The following NTM variants were observed in gnomAD, a reference collection of about 807,000 sequenced individuals.
The protein encoded by NTM is IgLON family member 2.
A neutral mutation model predicts 42.1 loss-of-function variants in NTM; 13 were observed. The ratio of observed to expected loss-of-function variants is 0.31; its 90% confidence interval spans 0.20 to 0.49. NTM has a LOEUF of 0.49. Among genes scored for constraint, NTM ranks in the 20% least tolerant of loss-of-function variants. The probability of loss-of-function intolerance (pLI) is 0.99; values close to 1 mark genes in which losing one functional copy is unlikely to be tolerated. For missense variants in NTM, 373 were observed against 452.8 expected (o/e 0.82, Z 1.60); for synonymous variants, 187 against 179.2 (o/e 1.04, Z -0.35).
chr11:132,239,114 A>G (rs2089686898), intron 4 of NTM, among the ~76,000 whole-genome samples: 1 of 152,238 alleles, frequency 6.6e-6, no homozygotes, highest in African/African-American at 2.4e-5. Flanking sequence ...CACCAGAGAC[A>G]CTGCCGTAAG....
At chr11:132,066,811 C>T (rs1290945493) in intron 2 of NTM, among the ~76,000 whole-genome samples, 3 of 152,106 alleles carry the variant, frequency 2.0e-5, no homozygotes, top group African/African-American at 7.2e-5. Flanking sequence ...CACTCAGATA[C>T]TCCAGAATAA....
At chr11:132,323,505 A>T (rs1280340067) in intron 7 of NTM, among the ~76,000 whole-genome samples, 4 of 151,596 alleles carry the variant, frequency 2.6e-5, no homozygotes, top group Non-Finnish European at 5.9e-5. Context: ...ATAGACCAAT[A>T]ACAGGATCTG....
At chr11:131,399,617 C>A (rs1320245384) in intron 1 of NTM, among the ~76,000 whole-genome samples, 1 of 152,160 alleles carries the variant, frequency 6.6e-6, no homozygotes, top group Non-Finnish European at 1.5e-5. Flanking sequence ...TATACTCTTA[C>A]CCTCAGCACA....
At chr11:132,233,926 C>A (rs180750927) in intron 4 of NTM, among the ~76,000 whole-genome samples, 41 of 152,334 alleles carry the variant, frequency 2.7e-4, no homozygotes, top group Non-Finnish European at 4.6e-4. Flanking sequence ...AAGAGTGGCC[C>A]CTGCCACCCT....
At chr11:132,172,658 A>G (rs2076274367) in intron 3 of NTM, among the ~76,000 whole-genome samples, 1 of 152,148 alleles carries the variant, frequency 6.6e-6, no homozygotes, top group African/African-American at 2.4e-5. Flanking sequence ...AAGATATATA[A>G]TTTTCCATTT....
At chr11:132,040,083 C>T (rs2076993314) in intron 2 of NTM, among the ~76,000 whole-genome samples, 1 of 143,056 alleles carries the variant, frequency 7.0e-6, no homozygotes, top group African/African-American at 2.7e-5. Flanking sequence ...TGCATGCTAC[C>T]ACGTCCAGCT....
intron 1 of NTM, chr11:131,671,404 C>T (rs1299897682): frequency 2.0e-6 from 2 of 983,936 alleles, no homozygotes; most frequent in Admixed American, 1.2e-4. Flanking sequence ...ACATTACCTG[C>T]ATATTCACAG....
At chr11:131,602,430 C>T (rs1332860773) in intron 1 of NTM, among the ~76,000 whole-genome samples, 1 of 152,166 alleles carries the variant, frequency 6.6e-6, no homozygotes, top group Non-Finnish European at 1.5e-5. Flanking sequence ...TCGGTCTCCT[C>T]AATGCTTCCT....
intron 1 of NTM, among the ~76,000 whole-genome samples, chr11:131,614,420 T>C (rs1376397583): frequency 1.3e-5 from 2 of 152,250 alleles, no homozygotes; most frequent in Admixed American, 1.3e-4. Context: ...AAATAAACAC[T>C]TTCCCCAAAA....
rs576708481 is a variant in NTM at position 131,402,356 on chromosome 11, G to A, written c.82+31468G>A. On this transcript the variant is annotated intron_variant, in intron 1 of 8. Transcript: ENST00000683400. Reference sequence around the variant, plus strand: ...TGTTCAGAGGAGCATGGTTAATGGAGAAAATTGCTTATCTCCCCAAGAAAA... The same window carrying A: ...TGTTCAGAGGAGCATGGTTAATGGAAAAAATTGCTTATCTCCCCAAGAAAA... Among the ~76,000 whole-genome samples the A allele has an allele frequency of 2.3e-4, 34 of 149,680 alleles. No homozygotes were observed. The South Asian group carries it at 6.6e-3, about 29-fold the overall frequency.
At position 132,003,146 on chromosome 11, in the gene NTM, T is replaced by C. The variant is rs1184855581; in HGVS notation, c.167+91498T>C. ...TATATTTCCTCCTTCACCCTAATGC[T>C]AGCCCGGTTCTGAGCCAGAGTTATT... On this transcript the variant is annotated intron_variant, in intron 2 of 8. Coordinates refer to ENST00000683400, the MANE Select transcript of NTM (RefSeq NM_001352005.2). The surrounding 1 kb of genome is among the most constrained non-coding windows in gnomAD (Gnocchi z 6.0). Among the ~76,000 whole-genome samples the C allele has an allele frequency of 2.0e-5, 3 of 152,164 alleles. No individual in the cohort carries two copies. Among genetic ancestry groups the C allele is most frequent in the Non-Finnish European group, 2.9e-5 (2 of 68,038 alleles).
Position 131,528,165 on chromosome 11 carries a change from T to A in NTM, c.82+157277T>A, listed in dbSNP as rs962772333. Among the ~76,000 whole-genome samples, 3 of 152,226 alleles carry A rather than the reference T, an allele frequency of 2.0e-5. No homozygotes were observed. The South Asian group carries it at 6.2e-4, about 32-fold the overall frequency. ...TCTTTATGCTTGTTTTCATTTTGTC[T>A]GTTTTTATTTAACTTCTTAAAATCT... On this transcript the variant is annotated intron_variant, in intron 1 of 8. Transcript: ENST00000683400.
At chr11:132,140,819 G>A (rs1001292560) in intron 2 of NTM, among the ~76,000 whole-genome samples, 2 of 152,210 alleles carry the variant, frequency 1.3e-5, no homozygotes, top group African/African-American at 4.8e-5. Context: ...CCCCTATGAT[G>A]CTTGAGGGGA....
intron 1 of NTM, among the ~76,000 whole-genome samples, chr11:131,711,439 T>C (rs2077118294): frequency 6.6e-6 from 1 of 152,158 alleles, no homozygotes; most frequent in Admixed American, 6.5e-5. Context: ...AGATACAATC[T>C]CACACCAGTT....
intron 2 of NTM, among the ~76,000 whole-genome samples, chr11:131,967,389 G>C (rs1405704280): frequency 6.6e-6 from 1 of 152,162 alleles, no homozygotes; most frequent in African/African-American, 2.4e-5. Flanking sequence ...GGCATATCAC[G>C]GTCTCAGCTG....
chr11:132,129,603 T>C (rs961838467), intron 2 of NTM, among the ~76,000 whole-genome samples: 1 of 152,218 alleles, frequency 6.6e-6, no homozygotes, highest in African/African-American at 2.4e-5. Flanking sequence ...CTTCAGTTAA[T>C]CTACAGCTTC....
At chr11:131,795,415 C>T (rs962543795) in intron 1 of NTM, 4 of 985,154 alleles carry the variant, frequency 4.1e-6, no homozygotes, top group Admixed American at 6.2e-5. Context: ...TTAGGACTGT[C>T]CTTAAATACA....
At chr11:131,808,558 T>C (rs914569557) in intron 1 of NTM, among the ~76,000 whole-genome samples, 5 of 152,230 alleles carry the variant, frequency 3.3e-5, no homozygotes, top group East Asian at 3.8e-4. Flanking sequence ...CATAGAGATA[T>C]GTACAAGGTG....
At chr11:132,020,552 T>A (rs1305325746) in intron 2 of NTM, among the ~76,000 whole-genome samples, 3 of 152,110 alleles carry the variant, frequency 2.0e-5, no homozygotes, top group Non-Finnish European at 4.4e-5. Context: ...ACATTTTAGC[T>A]TATCACAATC....
Sources: allele counts gnomAD v4.1 joint callset (sites outside exome capture counted in the v4.1 genomes callset), GRCh38; gene constraint gnomAD v4.1.1; non-coding constraint Gnocchi (gnomAD v3.1); transcripts MANE v1.5; gene names NCBI Gene and HGNC (gene_info 2026-07-23, HGNC 2026-07-21).